The following HERC1 variants were observed in gnomAD, a reference collection of about 807,000 sequenced individuals.
HERC1 encodes HECT and RLD domain containing E3 ubiquitin protein ligase family member 1, also known as probable E3 ubiquitin-protein ligase HERC1.
HERC1 carries 160 observed loss-of-function variants against 554.3 expected under a neutral mutation model. The ratio of observed to expected loss-of-function variants is 0.29; its 90% CI spans 0.25 to 0.33. The LOEUF (loss-of-function observed/expected upper bound fraction) is 0.33. Ranked by LOEUF, HERC1 falls within the 10% of genes least tolerant of loss-of-function variation. HERC1 has a pLI of 1.00. For missense variants in HERC1, 4,919 were observed against 5,918.5 expected (o/e 0.83, Z 5.54); for synonymous variants, 2,175 against 2,131.7 (o/e 1.02, Z -0.56).
chr15:63,613,621 C>G (rs560887886), intron 76 of HERC1, among the ~76,000 whole-genome samples: 7 of 151,804 alleles, frequency 4.6e-5, no homozygotes, highest in Admixed American at 4.6e-4. Flanking sequence ...TATGCATATC[C>G]TATATTATCG....
chr15:63,706,854 A>G (rs1567035671), intron 24 of HERC1, 23 bp from the exon 25 acceptor site: 1 of 1,465,766 alleles, frequency 6.8e-7, no homozygotes. Context: ...AAAAGTAAAT[A>G]AATAAAATTT....
At chr15:63,820,679 G>A (rs554496994) in intron 1 of HERC1, among the ~76,000 whole-genome samples, 102 of 151,780 alleles carry the variant, frequency 6.7e-4, no homozygotes, top group South Asian at 5.2e-3. Flanking sequence ...CAACAGAGAC[G>A]TTATCCTTTT....
At position 63,654,258 on chromosome 15, in the gene HERC1, C is replaced by T. The variant is rs1286208654; in HGVS notation, c.10151G>A (p.Arg3384Gln). The T allele has an allele frequency of 3.1e-6, 5 of 1,613,840 alleles. No homozygotes were observed. The highest frequency in any genetic ancestry group is 1.7e-5 in the Admixed American group (1 of 60,002). ...CACGAGTTGCTGAGCTGCCCATTGCCGATGCTGTGAGGACAGCCTGGAGGA... is the reference window on the plus strand; with the variant it reads ...CACGAGTTGCTGAGCTGCCCATTGCTGATGCTGTGAGGACAGCCTGGAGGA... ...CLSSRLSSQH[R>Q]QWAAQQLVRT... The change falls in exon 51 of 78, where the codon CGG becomes CAG. Residue 3384 changes from arginine to glutamine, a missense_variant. By Grantham distance (43) the Arg-to-Gln change is conservative (BLOSUM62 1). Coordinates refer to ENST00000443617, the MANE Select transcript of HERC1 (RefSeq NM_003922.4).
chr15:63,833,749 G>A (rs377195733), intron 1 of HERC1, 78 bp downstream of exon 1: 805 of 28,428 alleles, frequency 0.028, 21 homozygotes, highest in African/African-American at 0.09. Flanking sequence ...ACACACGCGC[G>A]CGCGCACACA....
In HERC1 at chr15:63,647,381, A is replaced by G. The variant is rs368054222; in HGVS notation, c.10878+688T>C. Among the ~76,000 whole-genome samples, 17 of 152,162 alleles carry G rather than the reference A, an allele frequency of 1.1e-4. No homozygotes were observed. The East Asian group carries it at 2.7e-3, about 24-fold the overall frequency. ...TCGGCAAGAAAGTGGTGAAAAGGGA[A>G]CTCTTAAACACTGTTGGTTTGAATG... On this transcript the variant is annotated intron_variant, in intron 55 of 77. Coordinates refer to ENST00000443617, the MANE Select transcript of HERC1 (RefSeq NM_003922.4).
At position 63,649,707 on chromosome 15, in the gene HERC1, G is replaced by T. The variant is rs747195510; in HGVS notation, c.10747+18C>A. On this transcript the variant is annotated intron_variant, in intron 54 of 77. Transcript: ENST00000443617. ...AAGTTGGAGACTCCGTCAGCTAGAC[G>T]TAAGTGCAGTCATTTACCATCCTTT... 6 of 1,605,240 alleles carry T rather than the reference G, an allele frequency of 3.7e-6. No homozygotes were observed. Among genetic ancestry groups the T allele is most frequent in the African/African-American group, 2.7e-5 (2 of 74,918 alleles).
chr15:63,680,243 A>C lies in HERC1; in HGVS notation c.6466-83T>G, dbSNP rs12899462. 0.012 allele frequency: 12,458 copies of C among 1,052,900 alleles called. 95 individuals are homozygous for C. The highest frequency in any genetic ancestry group is 0.016 in the East Asian group (649 of 41,246). 65.2% of individuals were successfully genotyped at this position (1,052,900 alleles called of 1,614,324 possible). On this transcript the variant is annotated intron_variant, in intron 35 of 77. Transcript: ENST00000443617. This position sits in a 1 kb window ranked among gnomAD's most constrained non-coding sequence, Gnocchi z 5.8. ...AATATCTAACCACATTAGAATTGAA[A>C]GCTTTTATGAGACAGAACAAAAGTT...
At chr15:63,833,743 A>ACACGCGCG (rs1386424635) in intron 1 of HERC1, 84 bp downstream of exon 1, 9 of 66,268 alleles carry the variant, frequency 1.4e-4, no homozygotes, top group African/African-American at 4.1e-4. Flanking sequence ...CAAAGCACAC[A>ACACGCGCG]CGCGCGCGCG....
rs1011694177 is a variant in HERC1, at chr15:63,680,933, G to A, written c.6226-157C>T. 2.0e-5 allele frequency among the ~76,000 whole-genome samples: 3 copies of A among 152,006 alleles called. No homozygotes were observed. Among genetic ancestry groups the A allele is most frequent in the African/African-American group, 4.8e-5 (2 of 41,364 alleles). The stretch of plus-strand genomic sequence containing the variant: ...AAATAAAAATAACACGAAAATAATC[G>A]CATCAATTTAGAAAGATTTTAAAAC... On this transcript the variant is annotated intron_variant, in intron 34 of 77. Transcript: ENST00000443617. This position sits in a 1 kb window ranked among gnomAD's most constrained non-coding sequence, Gnocchi z 5.8.
rs773817695 is a variant in HERC1, at chr15:63,775,425, G to A, written c.199C>T (p.Arg67Cys). The A allele has an allele frequency of 8.7e-6, 14 of 1,613,852 alleles. No homozygotes were observed. The highest frequency in any genetic ancestry group is 4.0e-5 in the African/African-American group (3 of 74,920). Reference protein sequence around the residue: ...LKGPQLPDFERESLSSDEQDH... With the variant: ...LKGPQLPDFECESLSSDEQDH... ...TGCTCATCACTTGAAAGAGACTCAC[G>A]TTCAAAGTCTGGCAACTGTGGTCCT... Residue 67 changes from arginine to cysteine, a missense_variant, in exon 2 of 78, where the codon CGT becomes TGT. Arg to Cys is a radical substitution (Grantham distance 180, BLOSUM62 -3). Transcript: ENST00000443617. The surrounding 1 kb of genome is among the most constrained non-coding windows in gnomAD (Gnocchi z 4.0).
At chr15:63,658,428 A>C in intron 48 of HERC1, 116 bp downstream of exon 48, 1 of 775,296 alleles carries the variant, frequency 1.3e-6, no homozygotes, top group Non-Finnish European at 2.0e-6. Flanking sequence ...TCTTTCATTC[A>C]ACAGTACATA....
At chr15:63,617,104 C>T (rs2067853330) in intron 74 of HERC1, among the ~76,000 whole-genome samples, 1 of 152,032 alleles carries the variant, frequency 6.6e-6, no homozygotes, top group South Asian at 2.1e-4. Context: ...TGGTGTGCTG[C>T]ACCCATTAAC....
Position 63,749,819 on chromosome 15 carries a change from T to A in HERC1, c.1903-28A>T, listed in dbSNP as rs917987056. ...GAAAAAAACAGAAATACGTTACACA[T>A]AACTTCCTGAGATGATTAGATTGTT... On this transcript the variant is annotated intron_variant, in intron 8 of 77. Transcript: ENST00000443617. The surrounding 1 kb of genome is among the most constrained non-coding windows in gnomAD (Gnocchi z 4.1). 2.0e-6 allele frequency: 3 copies of A among 1,513,558 alleles called. No homozygotes were observed. The highest frequency in any genetic ancestry group is 3.5e-4 in the Middle Eastern group (2 of 5,796). The allele number at this position is 1,513,558 out of a possible 1,614,324, so 93.8% of individuals were successfully genotyped here.
At chr15:63,752,125 C>G (rs1056794557) in intron 8 of HERC1, among the ~76,000 whole-genome samples, 4 of 152,158 alleles carry the variant, frequency 2.6e-5, no homozygotes, top group African/African-American at 9.7e-5. Flanking sequence ...CAGCAACTAG[C>G]TAATGTAATG....
At position 63,642,949 on chromosome 15, in the gene HERC1, A is replaced by C. The variant is rs766905748; in HGVS notation, c.11433+8T>G. The C allele has an allele frequency of 6.7e-7, 1 of 1,494,928 alleles. No homozygotes were observed. The highest frequency in any genetic ancestry group is 9.3e-7 in the Non-Finnish European group (1 of 1,072,500). The allele number at this position is 1,494,928 out of a possible 1,614,324, so 92.6% of individuals were successfully genotyped here. On this transcript the variant is annotated splice_region_variant and intron_variant, in intron 59 of 77. Transcript: ENST00000443617. The stretch of plus-strand genomic sequence containing the variant: ...ACACCCTATCATTTGATATAACTAC[A>C]ATATTACCTTTGATCTATTTGAGCA...
At chr15:63,704,778 G>A (rs1005491934) in intron 25 of HERC1, among the ~76,000 whole-genome samples, 87 of 127,274 alleles carry the variant, frequency 6.8e-4, no homozygotes, top group African/African-American at 2.5e-3. Context: ...TCGCTCTGTC[G>A]CCCAGGCTGG....
intron 55 of HERC1, among the ~76,000 whole-genome samples, chr15:63,647,324 G>A (rs2069407791): frequency 2.0e-5 from 3 of 151,486 alleles, no homozygotes; most frequent in Admixed American, 2.0e-4. Flanking sequence ...AGTCAGGATG[G>A]TTATTATTAA....
At position 63,680,175 on chromosome 15, in the gene HERC1, C is replaced by T; in HGVS notation, c.6466-15G>A. The T allele has an allele frequency of 6.3e-7, 1 of 1,594,444 alleles. No individual in the cohort carries two copies. ...AATTTGGGTTCCTACAGTGTGGCAGCAGTGAGGAAAAGAAAAAGGAAATAG... is the reference window on the plus strand; with the variant it reads ...AATTTGGGTTCCTACAGTGTGGCAGTAGTGAGGAAAAGAAAAAGGAAATAG... On this transcript the variant is annotated splice_polypyrimidine_tract_variant and intron_variant, in intron 35 of 77. Coordinates refer to ENST00000443617, the MANE Select transcript of HERC1 (RefSeq NM_003922.4). The surrounding 1 kb of genome is among the most constrained non-coding windows in gnomAD (Gnocchi z 5.8).
intron 42 of HERC1, 112 bp from the exon 43 acceptor site, chr15:63,664,706 G>T: frequency 2.2e-6 from 2 of 903,382 alleles, no homozygotes; most frequent in Non-Finnish European, 3.2e-6. Flanking sequence ...AATAAAATAT[G>T]TTTATGATAA....
Sources: gnomAD v4.1 joint callset for allele counts (sites outside exome capture counted in the v4.1 genomes callset) on GRCh38, gnomAD v4.1.1 for gene constraint, Gnocchi (gnomAD v3.1) non-coding constraint, MANE v1.5 for transcripts, NCBI Gene and HGNC (gene_info 2026-07-23, HGNC 2026-07-21) for gene names.